ERBB4: variants seen among roughly 807,000 people sequenced by gnomAD.
ERBB4 encodes the protein receptor tyrosine-protein kinase erbB-4.
Under a neutral mutation model 158.0 loss-of-function variants are expected in ERBB4, and 42 were observed. The ratio of observed to expected loss-of-function variants is 0.27; its 90% CI spans 0.21 to 0.34. ERBB4 has a LOEUF of 0.34. ERBB4 is among the 10% of genes least tolerant of loss of function. The pLI is 1.00. For missense variants in ERBB4, 1,333 were observed against 1,624.1 expected, an observed-to-expected ratio of 0.82 and a Z score of 3.08; for synonymous variants, 583 against 558.7, an observed-to-expected ratio of 1.04 and a Z score of -0.61.
Position 212,538,534 on chromosome 2 carries a change from T to C in ERBB4, c.-4A>G. On this transcript the variant is annotated 5_prime_UTR_variant, in exon 1 of 28. Transcript: ENST00000342788. ...AAAGTCCTGTCGCCGGCTTCATTTT[T>C]TGGAAGTCTCAGATCCCGTGCTGAC... is the stretch of plus-strand genomic sequence containing the variant. 1 of 1,613,972 alleles carries C rather than the reference T, an allele frequency of 6.2e-7. No homozygotes were observed.
At chr2:211,448,861 A>G (rs958267838) in intron 20 of ERBB4, among the ~76,000 whole-genome samples, 3 of 152,152 alleles carry the variant, frequency 2.0e-5, no homozygotes, top group African/African-American at 7.2e-5. Context: ...ATTGTAAGAG[A>G]TTTTAAAAAA....
chr2:212,350,613 T>C (rs775855056), intron 1 of ERBB4, among the ~76,000 whole-genome samples: 3 of 152,204 alleles, frequency 2.0e-5, no homozygotes, highest in Middle Eastern at 3.4e-3. Flanking sequence ...TATTAGAAAA[T>C]TGTAAAGCGA....
chr2:211,851,911 T>C (rs551078086), intron 3 of ERBB4, among the ~76,000 whole-genome samples: 2 of 151,962 alleles, frequency 1.3e-5, no homozygotes, highest in Admixed American at 1.3e-4. Flanking sequence ...AATATCTACC[T>C]TGATGAGTGC....
At chr2:211,431,128 A>G in intron 20 of ERBB4, 28 bp from the exon 21 acceptor site, 1 of 1,604,020 alleles carries the variant, frequency 6.2e-7, no homozygotes, top group Non-Finnish European at 8.5e-7. Flanking sequence ...CCTTAATGAT[A>G]TTCAGTTAAT....
chr2:212,118,261 A>G (rs1438047770), intron 2 of ERBB4, among the ~76,000 whole-genome samples: 1 of 152,204 alleles, frequency 6.6e-6, no homozygotes, highest in Non-Finnish European at 1.5e-5. Flanking sequence ...AAAACAGGGA[A>G]GGAATAGATC....
At chr2:211,708,639 T>C (rs2073548438) in intron 9 of ERBB4, among the ~76,000 whole-genome samples, 2 of 109,204 alleles carry the variant, frequency 1.8e-5, no homozygotes, top group African/African-American at 5.7e-5. Context: ...TCTCTCTCTC[T>C]CTCTCACTAT....
At chr2:212,418,808 C>G (rs934597323) in intron 1 of ERBB4, among the ~76,000 whole-genome samples, 1 of 151,652 alleles carries the variant, frequency 6.6e-6, no homozygotes, top group African/African-American at 2.4e-5. Context: ...ATTTTAAACA[C>G]TAGATTTTAA....
At chr2:211,760,971 C>G (rs748442106) in intron 4 of ERBB4, among the ~76,000 whole-genome samples, 8 of 151,830 alleles carry the variant, frequency 5.3e-5, no homozygotes, top group Admixed American at 1.3e-4. Context: ...TTTGGGAGGC[C>G]GAGGAAGGCG....
chr2:212,227,797 T>C (rs1011660533), intron 1 of ERBB4, among the ~76,000 whole-genome samples: 1 of 151,968 alleles, frequency 6.6e-6, no homozygotes, highest in African/African-American at 2.4e-5. Context: ...AGAGTTTAAA[T>C]GAAACCTGAT....
At chr2:212,230,633 G>A (rs1024641379) in intron 1 of ERBB4, among the ~76,000 whole-genome samples, 4 of 152,264 alleles carry the variant, frequency 2.6e-5, no homozygotes, top group Admixed American at 6.5e-5. Flanking sequence ...TTAAATGTAT[G>A]ACAGTGCGTA....
chr2:211,432,957 A>G (rs576722931), intron 20 of ERBB4, among the ~76,000 whole-genome samples: 1 of 152,214 alleles, frequency 6.6e-6, no homozygotes, highest in Non-Finnish European at 1.5e-5. Flanking sequence ...CTTATGTAGT[A>G]TAGCCTAGCA....
chr2:212,097,513 C>T (rs2078965539), intron 2 of ERBB4, among the ~76,000 whole-genome samples: 1 of 152,026 alleles, frequency 6.6e-6, no homozygotes, highest in African/African-American at 2.4e-5. Flanking sequence ...CACAGATATT[C>T]AGAAATAAAT....
At chr2:212,301,171 G>A (rs978639527) in intron 1 of ERBB4, among the ~76,000 whole-genome samples, 4 of 147,712 alleles carry the variant, frequency 2.7e-5, no homozygotes, top group African/African-American at 1.0e-4. Flanking sequence ...TTCCTTTCCT[G>A]ATTCAAGGAC....
intron 17 of ERBB4, among the ~76,000 whole-genome samples, chr2:211,629,415 G>T (rs2070009523): frequency 6.6e-6 from 1 of 152,098 alleles, no homozygotes; most frequent in Non-Finnish European, 1.5e-5. Flanking sequence ...ACAAATGGAA[G>T]AACATTCCAT....
At chr2:212,247,821 G>A (rs908443643) in intron 1 of ERBB4, among the ~76,000 whole-genome samples, 2 of 152,128 alleles carry the variant, frequency 1.3e-5, no homozygotes, top group East Asian at 1.9e-4. Flanking sequence ...AAAATTAGCT[G>A]GGCATGTTGG....
At chr2:211,716,112 C>G (rs997166249) in intron 7 of ERBB4, among the ~76,000 whole-genome samples, 3 of 152,096 alleles carry the variant, frequency 2.0e-5, no homozygotes, top group Admixed American at 6.5e-5. Context: ...CCTGTAATCC[C>G]AGCACTTTGG....
chr2:211,920,711 C>CTT (rs59291331), intron 3 of ERBB4, among the ~76,000 whole-genome samples: 9,302 of 141,698 alleles, frequency 0.066, 383 homozygotes, highest in Middle Eastern at 0.12. Context: ...AGAGCTGTGA[C>CTT]TTTTTTTTTT....
chr2:211,529,152 A>G (rs76022279), intron 20 of ERBB4, among the ~76,000 whole-genome samples: 2 of 151,752 alleles, frequency 1.3e-5, no homozygotes, highest in African/African-American at 2.4e-5. Context: ...AAAAAAAAAA[A>G]TTAGAGATGA....
chr2:211,938,998 T>C (rs1033331930), intron 3 of ERBB4, among the ~76,000 whole-genome samples: 17 of 152,214 alleles, frequency 1.1e-4, no homozygotes, highest in Admixed American at 5.9e-4. Flanking sequence ...GGATGAGTAA[T>C]AGATTTTTAA....
Sources: gnomAD v4.1 joint callset for allele counts (sites outside exome capture counted in the v4.1 genomes callset) on GRCh38, gnomAD v4.1.1 for gene constraint, MANE v1.5 for transcripts, NCBI Gene and HGNC (gene_info 2026-07-23, HGNC 2026-07-21) for gene names.